GOT2: variants seen among roughly 807,000 people sequenced by gnomAD.
GOT2 encodes the protein glutamic-oxaloacetic transaminase 2.
In GOT2, 17 loss-of-function variants were observed where a neutral mutation model predicts 50.0. The observed-to-expected ratio is 0.34, with a 90% CI of 0.23 to 0.51. The LOEUF is 0.51. Ranked by LOEUF, GOT2 falls within the 20% of genes least tolerant of loss-of-function variation. The pLI, the probability that GOT2 is intolerant of heterozygous loss-of-function variation, is 0.97. For synonymous variants in GOT2, 172 were observed against 204.9 expected (o/e 0.84, Z 1.37); for missense variants, 430 against 559.6 (o/e 0.77, Z 2.34).
chr16:58,723,972 G>A (rs2044762081), intron 1 of GOT2, 70 bp from the exon 2 acceptor site: 2 of 1,386,228 alleles, frequency 1.4e-6, no homozygotes, highest in Non-Finnish European at 1.0e-6. Context: ...ATTTATTTAT[G>A]AGATAGACTC....
At chr16:58,730,277 A>G (rs1442814070) in intron 1 of GOT2, among the ~76,000 whole-genome samples, 1 of 152,100 alleles carries the variant, frequency 6.6e-6, no homozygotes, top group East Asian at 1.9e-4. Flanking sequence ...TAATTTCATC[A>G]TCTGGGTAAT....
chr16:58,708,767 A>G (rs1210328426), intron 9 of GOT2, among the ~76,000 whole-genome samples: 1 of 152,136 alleles, frequency 6.6e-6, no homozygotes, highest in African/African-American at 2.4e-5. Flanking sequence ...GGGAGAAGCA[A>G]CAGTGATTAT....
chr16:58,730,892 A>T (rs552283328), intron 1 of GOT2, among the ~76,000 whole-genome samples: 1 of 152,324 alleles, frequency 6.6e-6, no homozygotes, highest in South Asian at 2.1e-4. Flanking sequence ...TTTTGGATAC[A>T]GGCACAAAGC....
chr16:58,729,508 A>G (rs1258902421), intron 1 of GOT2, among the ~76,000 whole-genome samples: 4 of 151,270 alleles, frequency 2.6e-5, no homozygotes, highest in Non-Finnish European at 4.4e-5. Flanking sequence ...GAAAAAAAAA[A>G]AAAAAGAAAA....
intron 1 of GOT2, 139 bp downstream of exon 1, chr16:58,734,001 G>T: frequency 5.0e-6 from 2 of 403,156 alleles, no homozygotes; most frequent in Admixed American, 5.2e-5. Context: ...AAGCCGAGGG[G>T]GTGGCAGAAA....
intron 8 of GOT2, among the ~76,000 whole-genome samples, chr16:58,710,909 A>C (rs1462317417): frequency 6.9e-6 from 1 of 145,444 alleles, no homozygotes; most frequent in Non-Finnish European, 1.5e-5. Flanking sequence ...CAGAGCTTGC[A>C]GTGAGCGGAG....
At chr16:58,731,645 A>G (rs367669903) in intron 1 of GOT2, among the ~76,000 whole-genome samples, 3 of 152,184 alleles carry the variant, frequency 2.0e-5, no homozygotes, top group East Asian at 3.8e-4. Context: ...GTCACTATAC[A>G]TTTACAGTAC....
chr16:58,726,594 C>T (rs929730786), intron 1 of GOT2, among the ~76,000 whole-genome samples: 6 of 151,744 alleles, frequency 4.0e-5, no homozygotes, highest in African/African-American at 1.5e-4. Flanking sequence ...TGGGTTCAAG[C>T]GATTCTTCTG....
chr16:58,726,763 C>T (rs1409721930), intron 1 of GOT2, among the ~76,000 whole-genome samples: 5 of 151,530 alleles, frequency 3.3e-5, no homozygotes, highest in African/African-American at 1.2e-4. Flanking sequence ...GCTAGGATTA[C>T]AGGCGTGAGC....
rs763694712 is a variant in GOT2, at chr16:58,718,289, C to T, written c.609G>A (p.Glu203=). The T allele has an allele frequency of 2.5e-6, 4 of 1,613,402 alleles. No individual in the cohort carries two copies. In the South Asian group the frequency reaches 3.3e-5, roughly 13 times the overall value. ...AGGCATGCAGAAGAAGAACACTCTG[C>T]TCTGGTATTTTCTAAAGAGAAAAAC... The part of the protein sequence containing the change: ...GAVEDISKIP[E]QSVLLLHACA... Residue 203 remains glutamate (E), a synonymous_variant, in exon 6 of 10, where the codon GAG becomes GAA. Coordinates refer to ENST00000245206, the MANE Select transcript of GOT2 (RefSeq NM_002080.4).
chr16:58,729,160 TAAG>T (rs1392743981), intron 1 of GOT2, among the ~76,000 whole-genome samples: 6 of 151,588 alleles, frequency 4.0e-5, no homozygotes, highest in Non-Finnish European at 7.4e-5. Flanking sequence ...TAGGCAATAG[TAAG>T]AAGCACAGAT....
At chr16:58,720,912 G>C (rs9921474) in intron 3 of GOT2, among the ~76,000 whole-genome samples, 10,991 of 152,186 alleles carry the variant, frequency 0.072, 810 homozygotes, top group East Asian at 0.29. Context: ...TAAAAGACAA[G>C]CTGATGTTAT....
At chr16:58,733,939 C>G (rs990407084) in intron 1 of GOT2, 2 of 398,414 alleles carry the variant, frequency 5.0e-6, no homozygotes, top group African/African-American at 4.1e-5. Context: ...ATGTGGGATC[C>G]TGAGGATCAC....
chr16:58,719,363 T>C (rs953878115), intron 3 of GOT2, 108 bp from the exon 4 acceptor site: 2 of 710,404 alleles, frequency 2.8e-6, no homozygotes. Flanking sequence ...AGCTCATTCT[T>C]TATGGCCTGT....
intron 8 of GOT2, among the ~76,000 whole-genome samples, chr16:58,713,947 C>T (rs377316589): frequency 6.6e-6 from 1 of 152,176 alleles, no homozygotes; most frequent in East Asian, 1.9e-4. Flanking sequence ...ACTTTATTTA[C>T]AAGAATAGGG....
intron 1 of GOT2, among the ~76,000 whole-genome samples, chr16:58,731,749 A>T (rs1053520022): frequency 2.6e-5 from 4 of 152,260 alleles, no homozygotes; most frequent in Admixed American, 6.5e-5. Context: ...AGTTCCAAGT[A>T]TGCCATTGGA....
At chr16:58,716,570 A>T in intron 7 of GOT2, 93 bp downstream of exon 7, 1 of 1,008,992 alleles carries the variant, frequency 9.9e-7, no homozygotes, top group Non-Finnish European at 1.5e-6. Context: ...ACACACACAC[A>T]CACACACACA....
At chr16:58,722,126 G>C in intron 3 of GOT2, 24 bp downstream of exon 3, 1 of 1,610,476 alleles carries the variant, frequency 6.2e-7, no homozygotes, top group Non-Finnish European at 8.5e-7. Flanking sequence ...GACCTGGGAT[G>C]ATGCCAGAGC....
intron 4 of GOT2, 98 bp from the exon 5 acceptor site, chr16:58,718,786 C>A: frequency 1.0e-6 from 1 of 980,250 alleles, no homozygotes. Context: ...CTGCTGAAAC[C>A]CAGTTTCTCT....
Sources: gnomAD v4.1 joint callset for allele counts (sites outside exome capture counted in the v4.1 genomes callset) on GRCh38, gnomAD v4.1.1 for gene constraint, MANE v1.5 for transcripts, NCBI Gene and HGNC (gene_info 2026-07-23, HGNC 2026-07-21) for gene names.